The following COL18A1 variants were observed in gnomAD, a reference collection of about 807,000 sequenced individuals.
COL18A1 encodes the protein collagen alpha-1(XVIII) chain.
COL18A1 carries 133 observed loss-of-function variants against 168.0 expected under a neutral mutation model. The observed-to-expected ratio is 0.79, with a 90% CI of 0.69 to 0.91. The LOEUF is 0.91. Among genes scored for constraint, COL18A1 ranks in the 40% least tolerant of loss-of-function variants. COL18A1 has a pLI of 0.00. For missense variants in COL18A1, 2,126 were observed against 1,925.4 expected (o/e 1.10, Z -1.95); for synonymous variants, 949 against 809.0 (o/e 1.17, Z -2.94).
At position 45,454,899 on chromosome 21, in the gene COL18A1, TGA is replaced by T. The variant is rs1383548448; in HGVS notation, c.107-13339_107-13338del. 5.3e-5 allele frequency among the ~76,000 whole-genome samples: 8 copies of T among 152,244 alleles called. No homozygotes were observed. In the East Asian group the frequency reaches 1.5e-3, roughly 29 times the overall value. Reference sequence around the variant, plus strand: ...TCCTGGGCAGAAGGTCAGGAAGGGCTGAGAGGGACACAGTCCAAGGCAGGTAA... The same window carrying T: ...TCCTGGGCAGAAGGTCAGGAAGGGCTGAGGGACACAGTCCAAGGCAGGTAA... On this transcript the variant is annotated intron_variant, in intron 2 of 41. Transcript: ENST00000651438.
At position 45,470,481 on chromosome 21, in the gene COL18A1, GT is replaced by G. The variant is rs1260989970; in HGVS notation, c.651+1705del. On this transcript the variant is annotated intron_variant, in intron 3 of 41. Coordinates refer to ENST00000651438, the MANE Select transcript of COL18A1 (RefSeq NM_001379500.1). ...GATTGGATGTGTGGTTTTTTTGTGG[GT>G]TTTTTTTTTGTTTTTTTTTTTTTAG... is the stretch of plus-strand genomic sequence containing the variant. Among the ~76,000 whole-genome samples, 656 of 77,788 alleles carry G rather than the reference GT, an allele frequency of 8.4e-3. 10 individuals carry two copies. The highest frequency in any genetic ancestry group is 0.045 in the African/African-American group (623 of 13,834). The allele number at this position is 77,788 out of a possible 152,430, so 51.0% of individuals were successfully genotyped here.
intron 7 of COL18A1, 96 bp from the exon 8 acceptor site, chr21:45,477,654 A>C: frequency 3.7e-6 from 5 of 1,351,432 alleles, no homozygotes; most frequent in Non-Finnish European, 5.1e-6. Flanking sequence ...TGTGGGAAGC[A>C]GCCCAGCCTG....
chr21:45,493,072 G>T, intron 24 of COL18A1, 91 bp from the exon 25 acceptor site: 1 of 1,321,312 alleles, frequency 7.6e-7, no homozygotes, highest in Middle Eastern at 2.5e-4. Context: ...CAGGCATATT[G>T]CGGGGGGCAG....
intron 5 of COL18A1, among the ~76,000 whole-genome samples, chr21:45,475,834 C>G (rs984539917): frequency 7.9e-5 from 12 of 152,382 alleles, no homozygotes; most frequent in Admixed American, 5.9e-4. Flanking sequence ...TTCCCTTCGC[C>G]CCATCCCTCC....
chr21:45,505,785 CT>C, intron 36 of COL18A1, 52 bp from the exon 37 acceptor site: 1 of 1,341,198 alleles, frequency 7.5e-7, no homozygotes, highest in South Asian at 1.2e-5. Context: ...CCTTCCGCCC[CT>C]GCCCCCCGCC....
chr21:45,469,803 T>C (rs943686597), intron 3 of COL18A1, among the ~76,000 whole-genome samples: 3 of 152,346 alleles, frequency 2.0e-5, no homozygotes, highest in African/African-American at 7.2e-5. Flanking sequence ...TTGTTCTAAG[T>C]CCTGGTGTCT....
At chr21:45,419,304 T>G (rs922718415) in intron 2 of COL18A1, among the ~76,000 whole-genome samples, 2 of 151,752 alleles carry the variant, frequency 1.3e-5, no homozygotes, top group South Asian at 2.1e-4. Context: ...CGTGATGCCG[T>G]GTAGTGACGC....
At chr21:45,499,569 G>A (rs1266352485) in intron 32 of COL18A1, among the ~76,000 whole-genome samples, 1 of 151,986 alleles carries the variant, frequency 6.6e-6, no homozygotes, top group Admixed American at 6.6e-5. Flanking sequence ...GGGAACCCGC[G>A]TGGGCTGCCC....
At chr21:45,488,120 CGT>C (rs2036179790) in intron 17 of COL18A1, among the ~76,000 whole-genome samples, 1 of 152,198 alleles carries the variant, frequency 6.6e-6, no homozygotes, top group East Asian at 1.9e-4. Flanking sequence ...CCAAGAGACA[CGT>C]GGGGTGGCTG....
At chr21:45,415,505 C>A (rs1049837282) in intron 2 of COL18A1, among the ~76,000 whole-genome samples, 2 of 152,314 alleles carry the variant, frequency 1.3e-5, no homozygotes, top group East Asian at 3.9e-4. Context: ...CAGGACCATG[C>A]GCAGGGGCGG....
At chr21:45,482,461 C>T in intron 14 of COL18A1, 1 of 559,350 alleles carries the variant, frequency 1.8e-6, no homozygotes, top group East Asian at 3.2e-5. Context: ...TTGGACTGAG[C>T]AGGGGACGCG....
intron 2 of COL18A1, among the ~76,000 whole-genome samples, chr21:45,442,869 G>A (rs1398018777): frequency 1.4e-5 from 2 of 142,042 alleles, no homozygotes; most frequent in Non-Finnish European, 3.1e-5. Context: ...TGGTGTGGGC[G>A]GTGGTGGTGC....
intron 15 of COL18A1, among the ~76,000 whole-genome samples, chr21:45,483,476 C>A (rs1248092735): frequency 1.3e-5 from 2 of 152,180 alleles, no homozygotes; most frequent in African/African-American, 4.8e-5. Flanking sequence ...CCCCCAACGA[C>A]CCACTTCCTC....
intron 13 of COL18A1, 54 bp downstream of exon 13, chr21:45,480,912 G>C: frequency 6.4e-7 from 1 of 1,563,638 alleles, no homozygotes. Flanking sequence ...GGGAGTGAGG[G>C]GTGAACACCC....
chr21:45,432,202 G>T (rs1006704563), intron 2 of COL18A1, among the ~76,000 whole-genome samples: 1 of 152,182 alleles, frequency 6.6e-6, no homozygotes, highest in African/African-American at 2.4e-5. Context: ...GGATTTGGGG[G>T]ACAGGTGCCC....
In COL18A1 at chr21:45,491,275, CG is replaced by C; in HGVS notation, c.2120del (p.Gly707AspfsTer17). 6.2e-7 allele frequency: 1 copy of C among 1,612,210 alleles called. No individual in the cohort carries two copies. The highest frequency in any genetic ancestry group is 8.5e-7 in the Non-Finnish European group (1 of 1,179,612). ...VGQPGLPGPP[G>X]PPGPVVYVSE... Reference sequence around the variant, plus strand: ...GGCAGCCGGGCCTCCCTGGCCCCCCCGGACCCCCGGGACCTGTGGTCTACGT... The same window carrying C: ...GGCAGCCGGGCCTCCCTGGCCCCCCCGACCCCCGGGACCTGTGGTCTACGT... On this transcript the variant is annotated frameshift_variant, in exon 22 of 42. Transcript: ENST00000651438. LOFTEE classifies it high-confidence loss of function.
chr21:45,423,523 A>C lies in COL18A1; in HGVS notation c.106+18050A>C. ...CCCGCCCCCCGGAGGGCCCGGCTCC[A>C]AGGGTCATATGAGTGGATCTGGAGG... On this transcript the variant is annotated intron_variant, in intron 2 of 41. Coordinates refer to ENST00000651438, the MANE Select transcript of COL18A1 (RefSeq NM_001379500.1). This position sits in a 1 kb window ranked among gnomAD's most constrained non-coding sequence, Gnocchi z 4.0. 8.1e-6 allele frequency among the ~76,000 whole-genome samples: 1 copy of C among 123,270 alleles called. No homozygotes were observed. The highest frequency in any genetic ancestry group is 1.7e-5 in the Non-Finnish European group (1 of 60,238). 80.9% of individuals were successfully genotyped at this position (123,270 alleles called of 152,430 possible). A position where few individuals can be genotyped will look rare whatever the true frequency, so the allele number is the denominator to read the frequency against.
At chr21:45,446,838 T>C (rs2034514166) in intron 2 of COL18A1, among the ~76,000 whole-genome samples, 1 of 152,260 alleles carries the variant, frequency 6.6e-6, no homozygotes, top group Admixed American at 6.5e-5. Flanking sequence ...AATTCAAGGT[T>C]GGTTTAACAC....
At chr21:45,445,899 C>A (rs1361892078) in intron 2 of COL18A1, among the ~76,000 whole-genome samples, 1 of 152,156 alleles carries the variant, frequency 6.6e-6, no homozygotes, top group Non-Finnish European at 1.5e-5. Flanking sequence ...TGTGAGATGT[C>A]ATTTCACTTT....
Sources: allele counts gnomAD v4.1 joint callset (sites outside exome capture counted in the v4.1 genomes callset), GRCh38; gene constraint gnomAD v4.1.1; non-coding constraint Gnocchi (gnomAD v3.1); transcripts MANE v1.5; gene names NCBI Gene and HGNC (gene_info 2026-07-23, HGNC 2026-07-21).